Variants in WWOX observed in about 807,000 individuals in gnomAD.
WWOX encodes WW domain containing oxidoreductase, also known as WW domain-containing oxidoreductase.
Under a neutral mutation model 46.2 loss-of-function variants are expected in WWOX, and 69 were observed. That is an observed-to-expected ratio of 1.49 (90% CI 1.23 to 1.82). WWOX has a LOEUF of 1.82. WWOX is among the 40% of genes most tolerant of loss of function. The probability of loss-of-function intolerance (pLI) is 0.00; values close to 1 mark genes in which losing one functional copy is unlikely to be tolerated. For synonymous variants in WWOX, 359 were observed against 202.6 expected, an observed-to-expected ratio of 1.77 and a Z score of -6.56; for missense variants, 919 against 542.6, an observed-to-expected ratio of 1.69 and a Z score of -6.89.
chr16:78,701,094 G>C (rs1213029826), intron 8 of WWOX, among the ~76,000 whole-genome samples: 1 of 152,102 alleles, frequency 6.6e-6, no homozygotes, highest in Admixed American at 6.5e-5. Context: ...CCTCTTTAAA[G>C]GTGGGCTAGT....
chr16:78,757,922 T>G (rs1199457979), intron 8 of WWOX, among the ~76,000 whole-genome samples: 1 of 151,938 alleles, frequency 6.6e-6, no homozygotes, highest in Admixed American at 6.6e-5. Context: ...AATATCACCT[T>G]GGAGATTAGG....
At chr16:78,993,577 C>A (rs2046930708) in intron 8 of WWOX, among the ~76,000 whole-genome samples, 1 of 152,142 alleles carries the variant, frequency 6.6e-6, no homozygotes, top group Non-Finnish European at 1.5e-5. Flanking sequence ...GTACGGAGCC[C>A]GGAACAGGGA....
chr16:78,126,555 CAT>C (rs58723655), intron 4 of WWOX, among the ~76,000 whole-genome samples: 1,683 of 152,264 alleles, frequency 0.011, 36 homozygotes, highest in African/African-American at 0.039. Flanking sequence ...TTGCTTGCCT[CAT>C]GTGCTATCAT....
chr16:79,007,996 C>T (rs989916460), intron 8 of WWOX, among the ~76,000 whole-genome samples: 3 of 152,202 alleles, frequency 2.0e-5, no homozygotes, highest in Non-Finnish European at 4.4e-5. Flanking sequence ...TATCTCATAG[C>T]TCCATAGGTT....
chr16:78,422,794 CATATATAT>C (rs1250992583), intron 6 of WWOX, among the ~76,000 whole-genome samples: 5 of 101,604 alleles, frequency 4.9e-5, no homozygotes, highest in African/African-American at 4.1e-4. Flanking sequence ...TACACACACA[CATATATAT>C]ACACACACAT....
At chr16:78,494,769 C>T (rs528032676) in intron 8 of WWOX, among the ~76,000 whole-genome samples, 1 of 152,120 alleles carries the variant, frequency 6.6e-6, no homozygotes, top group African/African-American at 2.4e-5. Context: ...ATTAGCTCCT[C>T]CCCCCATCTT....
At chr16:78,245,751 T>C (rs538219428) in intron 5 of WWOX, among the ~76,000 whole-genome samples, 30 of 152,330 alleles carry the variant, frequency 2.0e-4, no homozygotes, top group African/African-American at 6.7e-4. Flanking sequence ...CAAATTTGAA[T>C]GTTTCCTAAG....
intron 5 of WWOX, among the ~76,000 whole-genome samples, chr16:78,247,431 G>A (rs2151825269): frequency 6.6e-6 from 1 of 152,104 alleles, no homozygotes; most frequent in Middle Eastern, 3.4e-3. Flanking sequence ...ATGCCTCTGG[G>A]GATCCCAGAG....
At chr16:78,683,152 A>G (rs1214522247) in intron 8 of WWOX, among the ~76,000 whole-genome samples, 1 of 152,298 alleles carries the variant, frequency 6.6e-6, no homozygotes, top group East Asian at 1.9e-4. Context: ...AAGAGCAGGT[A>G]AGGAAAACAC....
chr16:78,891,395 A>C (rs943721129), intron 8 of WWOX: 1 of 152,162 alleles, frequency 6.6e-6, no homozygotes, highest in African/African-American at 2.4e-5. Flanking sequence ...TCCTGTTACC[A>C]GGGAATACAG....
intron 8 of WWOX, among the ~76,000 whole-genome samples, chr16:78,483,053 C>T (rs2084534960): frequency 1.3e-5 from 2 of 152,102 alleles, no homozygotes; most frequent in South Asian, 4.1e-4. Flanking sequence ...ACATGAAGGG[C>T]CTCTTCAACC....
intron 5 of WWOX, among the ~76,000 whole-genome samples, chr16:78,257,997 T>C (rs187318352): frequency 1.4e-3 from 215 of 152,304 alleles, no homozygotes; most frequent in African/African-American, 4.8e-3. Flanking sequence ...AAAACAACTA[T>C]ATTTAAATGC....
At chr16:78,896,321 C>G (rs369537182) in intron 8 of WWOX, 1 of 151,898 alleles carries the variant, frequency 6.6e-6, no homozygotes, top group African/African-American at 2.4e-5. Flanking sequence ...TGTAGAATGA[C>G]TGGCTTCCCA....
chr16:79,197,394 T>G (rs1437373085), intron 8 of WWOX, among the ~76,000 whole-genome samples: 1 of 152,194 alleles, frequency 6.6e-6, no homozygotes. Flanking sequence ...GCATTCAGTT[T>G]AAATTGCTTG....
At chr16:78,952,725 A>C (rs189414441) in intron 8 of WWOX, among the ~76,000 whole-genome samples, 1 of 152,018 alleles carries the variant, frequency 6.6e-6, no homozygotes, top group South Asian at 2.1e-4. Context: ...TTCCCACCTG[A>C]CAGTACGCTC....
At chr16:78,139,815 G>A (rs1254523792) in intron 4 of WWOX, among the ~76,000 whole-genome samples, 1 of 152,144 alleles carries the variant, frequency 6.6e-6, no homozygotes, top group East Asian at 1.9e-4. Flanking sequence ...CAGGAAGGAA[G>A]GAGAGGCAAT....
intron 8 of WWOX, among the ~76,000 whole-genome samples, chr16:79,102,227 CAT>C (rs2049215164): frequency 1.3e-5 from 2 of 152,104 alleles, no homozygotes; most frequent in Non-Finnish European, 2.9e-5. Context: ...TGCCTATAAA[CAT>C]AAAATTAAAA....
At chr16:78,441,475 T>A (rs183261657) in intron 8 of WWOX, among the ~76,000 whole-genome samples, 1 of 151,998 alleles carries the variant, frequency 6.6e-6, no homozygotes, top group Admixed American at 6.6e-5. Flanking sequence ...CTGCTGAGAG[T>A]CACACAGCAA....
At chr16:79,102,410 T>C (rs2049219640) in intron 8 of WWOX, among the ~76,000 whole-genome samples, 2 of 152,160 alleles carry the variant, frequency 1.3e-5, no homozygotes, top group Non-Finnish European at 2.9e-5. Context: ...GTATGGAATA[T>C]TATTGAGCTG....
Sources: allele counts gnomAD v4.1 joint callset (sites outside exome capture counted in the v4.1 genomes callset), GRCh38; gene constraint gnomAD v4.1.1; transcripts MANE v1.5; gene names NCBI Gene and HGNC (gene_info 2026-07-23, HGNC 2026-07-21).